MCPH1: variants seen among roughly 807,000 people sequenced by gnomAD.
MCPH1 encodes microcephalin 1.
A neutral mutation model predicts 84.5 loss-of-function variants in MCPH1; 104 were observed. The ratio of observed to expected loss-of-function variants is 1.23; its 90% CI spans 1.05 to 1.45. The LOEUF (loss-of-function observed/expected upper bound fraction) is 1.45. MCPH1 is among the 40% of genes most tolerant of loss of function. The pLI is 0.00. For missense variants in MCPH1, 1,498 were observed against 1,005.7 expected, an observed-to-expected ratio of 1.49 and a Z score of -6.62; for synonymous variants, 514 against 366.8, an observed-to-expected ratio of 1.40 and a Z score of -4.58.
chr8:6,406,762 G>T lies in MCPH1; in HGVS notation c.22+73G>T, dbSNP rs1404617741. The T allele has an allele frequency of 2.6e-6, 4 of 1,552,492 alleles. No individual in the cohort carries two copies. The Admixed American group carries it at 5.2e-5, about 20-fold the overall frequency. The stretch of plus-strand genomic sequence containing the variant: ...GGCACCCCTCGTCGCGGGCGCACTC[G>T]GGGGATCCCGTGGGAGGAGCCCCGC... On this transcript the variant is annotated intron_variant, in intron 1 of 13. Coordinates refer to ENST00000344683, the MANE Select transcript of MCPH1 (RefSeq NM_024596.5).
chr8:6,613,502 C>T (rs766873837), intron 12 of MCPH1, among the ~76,000 whole-genome samples: 103 of 151,498 alleles, frequency 6.8e-4, no homozygotes, highest in Middle Eastern at 3.4e-3. Flanking sequence ...GGGGTGAAGG[C>T]GGGAGTCAGT....
At chr8:6,543,746 G>A (rs770745926) in intron 12 of MCPH1, among the ~76,000 whole-genome samples, 2 of 152,146 alleles carry the variant, frequency 1.3e-5, no homozygotes, top group African/African-American at 4.8e-5. Context: ...CTGTCCCTTC[G>A]ACCTCTGGTT....
intron 12 of MCPH1, among the ~76,000 whole-genome samples, chr8:6,539,484 C>T (rs890316468): frequency 2.0e-5 from 3 of 152,196 alleles, no homozygotes; most frequent in Admixed American, 2.0e-4. Context: ...CTTGCCTTCA[C>T]CTGCCCTGAC....
intron 3 of MCPH1, among the ~76,000 whole-genome samples, chr8:6,417,048 A>C (rs1338311644): frequency 6.6e-6 from 1 of 151,282 alleles, no homozygotes; most frequent in Non-Finnish European, 1.5e-5. Context: ...ATTATCTTTC[A>C]CTTTCAGAAA....
intron 12 of MCPH1, among the ~76,000 whole-genome samples, chr8:6,598,353 A>C (rs183500655): frequency 1.2e-3 from 189 of 152,216 alleles, no homozygotes; most frequent in African/African-American, 4.5e-3. Flanking sequence ...GAGGGATTGG[A>C]AAGTAGGAGG....
chr8:6,633,412 A>G (rs139769358), intron 13 of MCPH1, among the ~76,000 whole-genome samples: 50 of 152,342 alleles, frequency 3.3e-4, no homozygotes, highest in African/African-American at 1.2e-3. Flanking sequence ...AACAGAAAAC[A>G]TAGTAAATAA....
chr8:6,460,964 G>A (rs1350975521), intron 9 of MCPH1, among the ~76,000 whole-genome samples: 2 of 152,204 alleles, frequency 1.3e-5, no homozygotes, highest in South Asian at 4.1e-4. Context: ...TCCTGGAGAC[G>A]ATGGGTGAAT....
intron 3 of MCPH1, among the ~76,000 whole-genome samples, chr8:6,418,659 T>C (rs1318976641): frequency 2.0e-5 from 3 of 152,198 alleles, no homozygotes; most frequent in African/African-American, 4.8e-5. Flanking sequence ...CTGTGCTCAC[T>C]GCAACCTCCT....
At chr8:6,602,017 C>A (rs1206017485) in intron 12 of MCPH1, among the ~76,000 whole-genome samples, 1 of 152,200 alleles carries the variant, frequency 6.6e-6, no homozygotes, top group Non-Finnish European at 1.5e-5. Context: ...TTCCTGAATG[C>A]AGGCTCTGAA....
intron 12 of MCPH1, among the ~76,000 whole-genome samples, chr8:6,504,191 G>T (rs904837273): frequency 1.3e-5 from 2 of 151,538 alleles, no homozygotes; most frequent in Non-Finnish European, 2.9e-5. Flanking sequence ...GGTGGCGGAC[G>T]CCTGTAGTCC....
chr8:6,484,837 A>G (rs1563272380), intron 11 of MCPH1, among the ~76,000 whole-genome samples: 2 of 152,308 alleles, frequency 1.3e-5, no homozygotes, highest in East Asian at 3.9e-4. Flanking sequence ...AGGAGAACAG[A>G]TGAGTGGTTG....
At chr8:6,496,937 C>G (rs1449171791) in intron 11 of MCPH1, among the ~76,000 whole-genome samples, 1 of 151,950 alleles carries the variant, frequency 6.6e-6, no homozygotes, top group Non-Finnish European at 1.5e-5. Flanking sequence ...TTATTGTTTT[C>G]CCTCTTTAAA....
intron 12 of MCPH1, among the ~76,000 whole-genome samples, chr8:6,555,189 C>T (rs1824373772): frequency 6.6e-6 from 1 of 152,042 alleles, no homozygotes; most frequent in South Asian, 2.1e-4. Flanking sequence ...AATCCAAGTG[C>T]CAGGCCATTT....
chr8:6,485,224 C>G (rs1051176098), intron 11 of MCPH1, among the ~76,000 whole-genome samples: 1 of 151,890 alleles, frequency 6.6e-6, no homozygotes, highest in Non-Finnish European at 1.5e-5. Context: ...ACTCAGGAGG[C>G]TGAGGCAGGA....
At chr8:6,496,371 G>A (rs2442479) in intron 11 of MCPH1, among the ~76,000 whole-genome samples, 109,728 of 151,942 alleles carry the variant, frequency 0.72, 40,208 homozygotes, top group Non-Finnish European at 0.8. Flanking sequence ...ATACAGATGA[G>A]GCTTCCTTCA....
At chr8:6,552,786 A>G (rs1292424910) in intron 12 of MCPH1, among the ~76,000 whole-genome samples, 1 of 151,186 alleles carries the variant, frequency 6.6e-6, no homozygotes, top group African/African-American at 2.4e-5. Flanking sequence ...GCAAGAGATC[A>G]CTCAACAATT....
intron 8 of MCPH1, among the ~76,000 whole-genome samples, chr8:6,453,730 G>T (rs1272671888): frequency 6.6e-6 from 1 of 152,134 alleles, no homozygotes; most frequent in Admixed American, 6.5e-5. Context: ...TCTTAAAGAC[G>T]ATAGGAGATT....
At chr8:6,624,872 T>C (rs919280752) in intron 13 of MCPH1, 3 of 980,964 alleles carry the variant, frequency 3.1e-6, no homozygotes, top group African/African-American at 3.6e-5. Context: ...ACAAATCATA[T>C]ACTTTTTTTT....
intron 12 of MCPH1, among the ~76,000 whole-genome samples, chr8:6,595,325 A>T (rs1327590957): frequency 1.3e-5 from 2 of 152,206 alleles, no homozygotes. Flanking sequence ...GGAGCAAACA[A>T]GGGATAGAAA....
Sources: gnomAD v4.1 joint callset for allele counts (sites outside exome capture counted in the v4.1 genomes callset) on GRCh38, gnomAD v4.1.1 for gene constraint, MANE v1.5 for transcripts, NCBI Gene and HGNC (gene_info 2026-07-23, HGNC 2026-07-21) for gene names.